The following PABPC4 variants were observed in gnomAD, a reference collection of about 807,000 sequenced individuals.
The protein encoded by PABPC4 is poly(A) binding protein cytoplasmic 4.
PABPC4 carries 15 observed loss-of-function variants against 74.5 expected under a neutral mutation model. That is an observed-to-expected ratio of 0.20 (90% CI 0.13 to 0.31). PABPC4 has a LOEUF of 0.31. Among genes scored for constraint, PABPC4 ranks in the 10% least tolerant of loss-of-function variants. The probability of loss-of-function intolerance (pLI) is 1.00; values close to 1 mark genes in which losing one functional copy is unlikely to be tolerated. For synonymous variants in PABPC4, 345 were observed against 303.0 expected, an observed-to-expected ratio of 1.14 and a Z score of -1.44; for missense variants, 610 against 853.5, an observed-to-expected ratio of 0.71 and a Z score of 3.55.
chr1:39,561,638 A>G (rs915467219), intron 15 of PABPC4, 47 bp downstream of exon 15: 20 of 1,325,978 alleles, frequency 1.5e-5, no homozygotes, highest in Non-Finnish European at 1.8e-5. Flanking sequence ...GACAATGCTC[A>G]TAGGAACAAT....
At chr1:39,571,942 A>G (rs1424628380) in intron 2 of PABPC4, among the ~76,000 whole-genome samples, 2 of 152,186 alleles carry the variant, frequency 1.3e-5, no homozygotes, top group African/African-American at 2.4e-5. Flanking sequence ...AAAACAAAAC[A>G]TTTTCCAAGG....
chr1:39,569,079 C>T, intron 5 of PABPC4, 140 bp from the exon 6 acceptor site: 1 of 827,966 alleles, frequency 1.2e-6, no homozygotes. Flanking sequence ...TCACACAAAT[C>T]CAAACTTCCT....
At chr1:39,575,041 G>C (rs555288304) in intron 1 of PABPC4, among the ~76,000 whole-genome samples, 23 of 152,298 alleles carry the variant, frequency 1.5e-4, no homozygotes, top group African/African-American at 5.5e-4. Flanking sequence ...CACTGTTACA[G>C]CTGAGGTGAC....
intron 15 of PABPC4, 125 bp downstream of exon 15, chr1:39,561,559 CT>C: frequency 3.0e-6 from 2 of 670,456 alleles, no homozygotes; most frequent in Admixed American, 5.5e-5. Flanking sequence ...CTCCGTGTAA[CT>C]AACTGTACTT....
chr1:39,568,257 G>GAAAAAA (rs201261264), intron 6 of PABPC4: 1 of 135,042 alleles, frequency 7.4e-6, no homozygotes, highest in African/African-American at 3.2e-5. Flanking sequence ...ACTGTCTCAA[G>GAAAAAA]AAAAAAAAAA....
chr1:39,571,860 G>A (rs532383996), intron 2 of PABPC4, among the ~76,000 whole-genome samples: 8 of 152,350 alleles, frequency 5.3e-5, no homozygotes, highest in Admixed American at 2.0e-4. Flanking sequence ...GTGACAGACA[G>A]AGCAAGACTC....
intron 3 of PABPC4, 43 bp downstream of exon 3, chr1:39,571,191 G>A: frequency 6.2e-7 from 1 of 1,612,650 alleles, no homozygotes. Context: ...TGGGGCCACG[G>A]CTGGCTCATG....
At chr1:39,569,499 C>CA (rs1279052636) in intron 5 of PABPC4, 96 bp downstream of exon 5, 7 of 836,830 alleles carry the variant, frequency 8.4e-6, no homozygotes, top group Admixed American at 1.8e-5. Context: ...ACCAGATACT[C>CA]AGACCGTCCC....
At chr1:39,568,548 A>C (rs1262905695) in intron 6 of PABPC4, 1 of 402,132 alleles carries the variant, frequency 2.5e-6, no homozygotes, top group Non-Finnish European at 4.3e-6. Context: ...AAAGGAACCT[A>C]CATGGCTAAA....
chr1:39,572,906 G>A (rs969736692), intron 1 of PABPC4, among the ~76,000 whole-genome samples: 1 of 152,130 alleles, frequency 6.6e-6, no homozygotes, highest in Non-Finnish European at 1.5e-5. Flanking sequence ...CCTCACATTT[G>A]ACTAAGCTTT....
chr1:39,564,658 C>T (rs778372314), intron 9 of PABPC4, 28 bp downstream of exon 9: 1 of 1,610,852 alleles, frequency 6.2e-7, no homozygotes, highest in South Asian at 1.1e-5. Flanking sequence ...ATATCCTGGG[C>T]TGTCAATTAC....
At chr1:39,567,181 C>T (rs771019462) in intron 7 of PABPC4, among the ~76,000 whole-genome samples, 1 of 152,102 alleles carries the variant, frequency 6.6e-6, no homozygotes, top group Non-Finnish European at 1.5e-5. Flanking sequence ...ACTAAAATTC[C>T]TTATCTTTAA....
intron 1 of PABPC4, among the ~76,000 whole-genome samples, chr1:39,573,697 T>C (rs1645974820): frequency 1.3e-5 from 2 of 152,170 alleles, no homozygotes; most frequent in Non-Finnish European, 2.9e-5. Flanking sequence ...CGGGTGCCTG[T>C]AATCCCAGCT....
In PABPC4 at chr1:39,569,996, C is replaced by A; in HGVS notation, c.510G>T (p.Val170=). ...GCTCTTTGCGAGACTTGAATCTGCC[C>A]ACAAATCTAAAATGAAACCATGAAG... The part of the protein sequence containing the change: ...GMLLNDRKVF[V]GRFKSRKERE... The change falls in exon 4 of 16, where the codon GTG becomes GTT. Residue 170 remains valine, a synonymous_variant. Coordinates refer to ENST00000372858, the MANE Select transcript of PABPC4 (RefSeq NM_001135653.2). 1 of 1,613,608 alleles carries A rather than the reference C, an allele frequency of 6.2e-7. No individual in the cohort carries two copies. The highest frequency in any genetic ancestry group is 8.5e-7 in the Non-Finnish European group (1 of 1,179,896).
Position 39,575,744 on chromosome 1 carries a change from A to G in PABPC4, c.193+15T>C, listed in dbSNP as rs749075267. The G allele has an allele frequency of 1.3e-6, 2 of 1,562,810 alleles. No homozygotes were observed. Among genetic ancestry groups the G allele is most frequent in the African/African-American group, 2.8e-5 (2 of 72,266 alleles). On this transcript the variant is annotated intron_variant, in intron 1 of 15. Coordinates refer to ENST00000372858, the MANE Select transcript of PABPC4 (RefSeq NM_001135653.2). ...TCCGGGCTCCCACGCACGTGTGGGC[A>G]CAGCTTCTACTCACCGTCGGCCGGC...
Position 39,564,686 on chromosome 1 carries a change from C to T in PABPC4, c.1333G>A (p.Gly445Ser). ...TCAATTACTGTTCCCCACCACCTAC[C>T]TTGAGGTCTCCCACCTTGCTGCCAG... ...PRWQQGGRPQ[G>S]FQGMPSAIRQ... The change falls in exon 9 of 16, where the codon GGC (glycine) becomes AGC (serine). Residue 445 changes from glycine to serine, a missense_variant and splice_region_variant. By Grantham distance (56) the Gly-to-Ser change is moderately conservative. Around this residue, in one of 4 missense-constraint regions of PABPC4, gnomAD observed 277 missense variants for 301.8 expected, o/e 0.92. Coordinates refer to ENST00000372858, the MANE Select transcript of PABPC4 (RefSeq NM_001135653.2). 3 of 1,613,956 alleles carry T rather than the reference C, an allele frequency of 1.9e-6. No individual in the cohort carries two copies. Among genetic ancestry groups the T allele is most frequent in the Non-Finnish European group, 2.5e-6 (3 of 1,179,862 alleles).
chr1:39,572,901 C>T (rs1645963522), intron 1 of PABPC4, among the ~76,000 whole-genome samples: 1 of 152,150 alleles, frequency 6.6e-6, no homozygotes, highest in African/African-American at 2.4e-5. Flanking sequence ...TAATACCTCA[C>T]ATTTGACTAA....
intron 6 of PABPC4, 195 bp downstream of exon 6, chr1:39,568,607 C>A: frequency 2.1e-6 from 1 of 484,734 alleles, no homozygotes; most frequent in Non-Finnish European, 3.6e-6. Flanking sequence ...ATGAATAAAC[C>A]CATCTCTTGT....
rs951409754 is a variant in PABPC4 at position 39,576,080 on chromosome 1, G to C, written c.-129C>G. On this transcript the variant is annotated 5_prime_UTR_variant, in exon 1 of 16. Transcript: ENST00000372858. Reference sequence around the variant, plus strand: ...CAGGTGGCACCGGCGCGGCGAGGACGAGCTGGAGTCGGCGGGCTTGGAGAC... The same window carrying C: ...CAGGTGGCACCGGCGCGGCGAGGACCAGCTGGAGTCGGCGGGCTTGGAGAC... 2 of 623,908 alleles carry C rather than the reference G, an allele frequency of 3.2e-6. No individual in the cohort carries two copies. Among genetic ancestry groups the C allele is most frequent in the Non-Finnish European group, 5.2e-6 (2 of 384,596 alleles). The allele number at this position is 623,908 out of a possible 1,614,324, so 38.6% of individuals were successfully genotyped here.
Sources: allele counts gnomAD v4.1 joint callset (sites outside exome capture counted in the v4.1 genomes callset), GRCh38; gene constraint gnomAD v4.1.1; regional missense constraint gnomAD v4.1.1; transcripts MANE v1.5; gene names NCBI Gene and HGNC (gene_info 2026-07-23, HGNC 2026-07-21).